CPM: variants seen among roughly 807,000 people sequenced by gnomAD.
CPM encodes the protein carboxypeptidase M.
CPM carries 35 observed loss-of-function variants against 46.4 expected under a neutral mutation model. The ratio of observed to expected loss-of-function variants is 0.75; its 90% CI spans 0.58 to 1.00. The LOEUF (loss-of-function observed/expected upper bound fraction) is 1.00. Among genes scored for constraint, CPM ranks in the 50% least tolerant of loss-of-function variants. CPM has a pLI of 0.00. For missense variants in CPM, 422 were observed against 530.4 expected, an observed-to-expected ratio of 0.80 and a Z score of 2.01; for synonymous variants, 195 against 195.3, an observed-to-expected ratio of 1.00 and a Z score of 0.01.
At chr12:68,882,690 T>G (rs1276421246) in intron 3 of CPM, among the ~76,000 whole-genome samples, 1 of 152,242 alleles carries the variant, frequency 6.6e-6, no homozygotes, top group African/African-American at 2.4e-5. Context: ...AGTGTGTAAG[T>G]GATCCTTTTT....
chr12:68,914,258 A>G (rs1157146446), intron 2 of CPM, among the ~76,000 whole-genome samples: 3 of 126,218 alleles, frequency 2.4e-5, no homozygotes, highest in East Asian at 5.0e-4. Context: ...CCCCGCCCCC[A>G]CCCCCAGGTT....
intron 2 of CPM, among the ~76,000 whole-genome samples, chr12:68,916,888 C>CAAAAAAAA (rs779418018): frequency 1.2e-5 from 1 of 82,178 alleles, no homozygotes; most frequent in African/African-American, 3.7e-5. Context: ...ACTCTTGTCT[C>CAAAAAAAA]AAAAAAAAAA....
chr12:68,843,707 CTCTCTCTCTG>C (rs1327353728), intron 5 of CPM: 1 of 225,048 alleles, frequency 4.4e-6, no homozygotes, highest in African/African-American at 2.2e-5. Context: ...AACTCTCTCT[CTCTCTCTCTG>C]TCTGTCTCAA....
chr12:68,913,226 C>CCCCGTACTGT (rs1887670850), intron 2 of CPM, among the ~76,000 whole-genome samples: 1 of 152,152 alleles, frequency 6.6e-6, no homozygotes, highest in South Asian at 2.1e-4. Context: ...CCAGATTCTG[C>CCCCGTACTGT]CCCCTACTGT....
intron 2 of CPM, among the ~76,000 whole-genome samples, chr12:68,898,754 C>T (rs1286422798): frequency 6.6e-6 from 1 of 152,166 alleles, no homozygotes; most frequent in Admixed American, 6.5e-5. Context: ...GAGCTAAAAC[C>T]CAGCTCTGTC....
intron 2 of CPM, among the ~76,000 whole-genome samples, chr12:68,889,019 A>C (rs548126601): frequency 6.6e-6 from 1 of 152,334 alleles, no homozygotes; most frequent in South Asian, 2.1e-4. Flanking sequence ...TCTTTCCCAC[A>C]TCAGAGGCAC....
chr12:68,913,961 T>C, intron 2 of CPM: 1 of 718,988 alleles, frequency 1.4e-6, no homozygotes, highest in Admixed American at 1.8e-5. Context: ...AATATCAAAT[T>C]TGTGTTTGAT....
chr12:68,935,148 G>C (rs371471728), upstream of CPM, among the ~76,000 whole-genome samples: 2 of 152,106 alleles, frequency 1.3e-5, no homozygotes. Context: ...GACCTCGGGC[G>C]ATCTGCCTGC....
chr12:68,955,461 CTCT>C (rs997377995), intron 1 of CPM, among the ~76,000 whole-genome samples: 7 of 151,824 alleles, frequency 4.6e-5, no homozygotes, highest in South Asian at 2.1e-4. Flanking sequence ...CGCAGCTCTT[CTCT>C]TCTTCTTGTT....
intron 1 of CPM, among the ~76,000 whole-genome samples, chr12:68,958,160 A>C (rs1426893478): frequency 2.0e-5 from 3 of 152,150 alleles, no homozygotes; most frequent in African/African-American, 2.4e-5. Flanking sequence ...ATATGTGTGC[A>C]TGTGTCTTTA....
At chr12:68,919,938 C>T (rs1261586174) in intron 2 of CPM, among the ~76,000 whole-genome samples, 4 of 152,182 alleles carry the variant, frequency 2.6e-5, no homozygotes, top group Admixed American at 6.5e-5. Flanking sequence ...AATGTCATCC[C>T]CCATGTTAGA....
intron 1 of CPM, among the ~76,000 whole-genome samples, chr12:68,961,175 A>C (rs1889105565): frequency 6.6e-6 from 1 of 152,138 alleles, no homozygotes; most frequent in Non-Finnish European, 1.5e-5. Context: ...TTTGAGACAG[A>C]GTCTTGCTCT....
At chr12:68,930,766 A>T (rs1056057387) in intron 2 of CPM, among the ~76,000 whole-genome samples, 3 of 152,254 alleles carry the variant, frequency 2.0e-5, no homozygotes, top group African/African-American at 7.2e-5. Context: ...GATATCATGC[A>T]GGATAGATCA....
At chr12:68,945,602 T>C (rs1888833447) in intron 1 of CPM, among the ~76,000 whole-genome samples, 1 of 152,098 alleles carries the variant, frequency 6.6e-6, no homozygotes, top group South Asian at 2.1e-4. Flanking sequence ...GTCCCCAATG[T>C]TGGTATAACA....
At chr12:68,919,369 T>G (rs1887942215) in intron 2 of CPM, among the ~76,000 whole-genome samples, 1 of 152,220 alleles carries the variant, frequency 6.6e-6, no homozygotes, top group South Asian at 2.1e-4. Flanking sequence ...CTCGCCTTGT[T>G]TTTTGTTTGC....
At chr12:68,941,218 A>G (rs1565807598) in intron 1 of CPM, among the ~76,000 whole-genome samples, 1 of 145,334 alleles carries the variant, frequency 6.9e-6, no homozygotes, top group Non-Finnish European at 1.5e-5. Context: ...TAAAGCTAAC[A>G]CATCAGCTGA....
chr12:68,948,449 C>T (rs1592714592), intron 1 of CPM, among the ~76,000 whole-genome samples: 1 of 151,912 alleles, frequency 6.6e-6, no homozygotes, highest in Non-Finnish European at 1.5e-5. Context: ...TTGATCAGCC[C>T]ATCAGATTAT....
intron 2 of CPM, among the ~76,000 whole-genome samples, chr12:68,924,871 G>A (rs1565800407): frequency 6.6e-6 from 1 of 152,298 alleles, no homozygotes; most frequent in East Asian, 1.9e-4. Context: ...GAGGGCAAGT[G>A]ATCATGAGAG....
chr12:68,939,814 A>G (rs1017077077), intron 1 of CPM, among the ~76,000 whole-genome samples: 1 of 152,182 alleles, frequency 6.6e-6, no homozygotes, highest in Non-Finnish European at 1.5e-5. Context: ...CCTCATGATT[A>G]CTATTATCTC....
Sources: gnomAD v4.1 joint callset for allele counts (sites outside exome capture counted in the v4.1 genomes callset) on GRCh38, gnomAD v4.1.1 for gene constraint, MANE v1.5 for transcripts, NCBI Gene and HGNC (gene_info 2026-07-23, HGNC 2026-07-21) for gene names.